FZD3: variants seen among roughly 807,000 people sequenced by gnomAD.
FZD3 encodes the protein frizzled-3.
In FZD3, 30 loss-of-function variants were observed where a neutral mutation model predicts 60.7. The ratio of observed to expected loss-of-function variants is 0.49; its 90% CI spans 0.37 to 0.67. The LOEUF is 0.67. FZD3 is among the 30% of genes least tolerant of loss of function. The pLI, the probability that FZD3 is intolerant of heterozygous loss-of-function variation, is 0.00. For synonymous variants in FZD3, 246 were observed against 275.2 expected, an observed-to-expected ratio of 0.89 and a Z score of 1.05; for missense variants, 605 against 838.7, an observed-to-expected ratio of 0.72 and a Z score of 3.44.
At chr8:28,495,727 TA>T (rs111612160) in intron 1 of FZD3, among the ~76,000 whole-genome samples, 1,536 of 151,840 alleles carry the variant, frequency 0.01, 32 homozygotes, top group African/African-American at 0.035. Flanking sequence ...CCCACAAAGA[TA>T]AAAAAAATTC....
intron 1 of FZD3, among the ~76,000 whole-genome samples, chr8:28,496,272 G>T (rs1032351807): frequency 2.6e-5 from 4 of 152,148 alleles, no homozygotes; most frequent in African/African-American, 9.7e-5. Flanking sequence ...ATGTTAGTTT[G>T]ATAGTGAAAC....
chr8:28,553,091 G>A (rs1738379040), intron 6 of FZD3, among the ~76,000 whole-genome samples: 1 of 152,138 alleles, frequency 6.6e-6, no homozygotes, highest in African/African-American at 2.4e-5. Flanking sequence ...ACTCTCCTGA[G>A]GAAATTGAGG....
intron 5 of FZD3, among the ~76,000 whole-genome samples, chr8:28,534,532 G>A (rs1804961149): frequency 2.0e-5 from 3 of 152,052 alleles, no homozygotes; most frequent in Admixed American, 1.3e-4. Context: ...CAGCCTAGGT[G>A]ACAGAGCGAG....
intron 3 of FZD3, among the ~76,000 whole-genome samples, chr8:28,514,187 C>CT (rs1804363349): frequency 6.6e-6 from 1 of 152,286 alleles, no homozygotes; most frequent in East Asian, 1.9e-4. Context: ...ATTCAGTTAG[C>CT]TAAAGTTCCT....
chr8:28,521,524 T>C lies in FZD3; in HGVS notation c.386+690T>C, dbSNP rs17059194. Among the ~76,000 whole-genome samples, 1,328 of 152,300 alleles carry C rather than the reference T, an allele frequency of 8.7e-3. 7 individuals carry two copies. Among genetic ancestry groups the C allele is most frequent in the African/African-American group, 0.019 (777 of 41,572 alleles). ...AATCTTAACAGTTTGTAATATTGGC[T>C]TCAGATTTTTTTTAAGAAATGAAAC... On this transcript the variant is annotated intron_variant, in intron 4 of 7. Transcript: ENST00000240093.
At chr8:28,538,432 C>T (rs1805076533) in intron 5 of FZD3, among the ~76,000 whole-genome samples, 1 of 152,088 alleles carries the variant, frequency 6.6e-6, no homozygotes, top group Non-Finnish European at 1.5e-5. Context: ...CACATTAGCC[C>T]AGTAAGTTAT....
At position 28,542,110 on chromosome 8, in the gene FZD3, T is replaced by TA. The variant is rs1554538054; in HGVS notation, c.1405-9491dup. ...GAAATCCTTTTTTTTTTTTTTTTTT[T>TA]AACTACTCCCTGCAGTGCCATATAT... On this transcript the variant is annotated intron_variant, in intron 5 of 7. Transcript: ENST00000240093. Among the ~76,000 whole-genome samples the TA allele has an allele frequency of 3.1e-3, 410 of 132,020 alleles. 3 individuals are homozygous for TA. The highest frequency in any genetic ancestry group is 4.4e-3 in the African/African-American group (146 of 33,316). The allele number at this position is 132,020 out of a possible 152,430, so 86.6% of individuals were successfully genotyped here.
chr8:28,562,536 G>A (rs1805631634), intron 7 of FZD3, among the ~76,000 whole-genome samples: 1 of 152,018 alleles, frequency 6.6e-6, no homozygotes, highest in Non-Finnish European at 1.5e-5. Context: ...GCTTCAAATC[G>A]GTCAGCCTTA....
intron 5 of FZD3, among the ~76,000 whole-genome samples, chr8:28,536,847 G>C (rs1585982867): frequency 1.3e-5 from 2 of 152,102 alleles, no homozygotes; most frequent in Admixed American, 1.3e-4. Context: ...AATCTAATTT[G>C]TTATGATTTT....
At chr8:28,531,202 A>G (rs1804865546) in intron 5 of FZD3, among the ~76,000 whole-genome samples, 1 of 108,872 alleles carries the variant, frequency 9.2e-6, no homozygotes, top group Non-Finnish European at 2.1e-5. Context: ...GAATATTTTT[A>G]TACTGTCGCT....
chr8:28,548,973 T>A (rs1159634618), intron 5 of FZD3, among the ~76,000 whole-genome samples: 1 of 152,238 alleles, frequency 6.6e-6, no homozygotes, highest in African/African-American at 2.4e-5. Flanking sequence ...ATGCTAGGGC[T>A]ACCATAATGA....
At chr8:28,552,228 T>TA (rs1805425936) in intron 6 of FZD3, among the ~76,000 whole-genome samples, 2 of 152,218 alleles carry the variant, frequency 1.3e-5, no homozygotes, top group African/African-American at 2.4e-5. Context: ...TGTCCATTGT[T>TA]CTTCCAAGTG....
chr8:28,541,023 A>C lies in FZD3; in HGVS notation c.1405-10580A>C, dbSNP rs918725566. ...CACTGTATCCCATTTCCTTTATTCA[A>C]ATATTTTTCTTTAGTAGGCTTTGCC... On this transcript the variant is annotated intron_variant, in intron 5 of 7. Coordinates refer to ENST00000240093, the MANE Select transcript of FZD3 (RefSeq NM_017412.4). 6.6e-5 allele frequency among the ~76,000 whole-genome samples: 10 copies of C among 152,156 alleles called. No homozygotes were observed. In the East Asian group the frequency reaches 1.9e-3, roughly 29 times the overall value.
chr8:28,522,767 C>CTTTTT (rs35662589), intron 4 of FZD3, among the ~76,000 whole-genome samples: 47 of 96,836 alleles, frequency 4.9e-4, no homozygotes, highest in African/African-American at 8.4e-4. Flanking sequence ...AGGGAACTTT[C>CTTTTT]TTTTTTTTTT....
rs77970165 is a variant in FZD3, at chr8:28,559,740, C to G, written c.1788-3058C>G. 6.6e-3 allele frequency among the ~76,000 whole-genome samples: 1,006 copies of G among 152,294 alleles called. 34 individuals are homozygous for G. The highest frequency in any genetic ancestry group is 0.052 in the Admixed American group (796 of 15,292). On this transcript the variant is annotated intron_variant, in intron 7 of 7. Transcript: ENST00000240093. Reference sequence around the variant, plus strand: ...GGATTTTCATAATTTGAAAAGCCATCTCATGGAGATTTCCTTCTGCTTCAG... The same window carrying G: ...GGATTTTCATAATTTGAAAAGCCATGTCATGGAGATTTCCTTCTGCTTCAG...
At chr8:28,554,055 G>C (rs572427400) in intron 6 of FZD3, among the ~76,000 whole-genome samples, 1 of 152,338 alleles carries the variant, frequency 6.6e-6, no homozygotes, top group East Asian at 1.9e-4. Context: ...ACACTGTGCT[G>C]TAGACTGGTT....
chr8:28,525,235 A>C (rs2130366714), intron 4 of FZD3, among the ~76,000 whole-genome samples: 1 of 152,320 alleles, frequency 6.6e-6, no homozygotes, highest in East Asian at 1.9e-4. Flanking sequence ...GCAGTGAGCA[A>C]AACAGAGATC....
chr8:28,525,576 A>G (rs1585970418), intron 4 of FZD3, among the ~76,000 whole-genome samples: 1 of 152,222 alleles, frequency 6.6e-6, no homozygotes, highest in East Asian at 1.9e-4. Context: ...GGTTGGAGCC[A>G]AGTGAGTGAG....
Position 28,567,143 on chromosome 8 carries a change from G to A in FZD3, c.*4132G>A, listed in dbSNP as rs1805718687. 1 of 152,394 alleles carries A rather than the reference G, an allele frequency of 6.6e-6. No homozygotes were observed. Among genetic ancestry groups the A allele is most frequent in the Admixed American group, 6.6e-5 (1 of 15,258 alleles). The allele number at this position is 152,394 out of a possible 1,614,324, so 9.4% of individuals were successfully genotyped here. ...ACTGTAGGCATGCACCACTACACCT[G>A]GCTAATTTTAATTTTTTTTTCTTTT... On this transcript the variant is annotated 3_prime_UTR_variant, in exon 8 of 8. Coordinates refer to ENST00000240093, the MANE Select transcript of FZD3 (RefSeq NM_017412.4).
Sources: gnomAD v4.1 joint callset for allele counts (sites outside exome capture counted in the v4.1 genomes callset) on GRCh38, gnomAD v4.1.1 for gene constraint, MANE v1.5 for transcripts, NCBI Gene and HGNC (gene_info 2026-07-23, HGNC 2026-07-21) for gene names.